Variants in SRP19 observed in about 807,000 individuals in gnomAD.
SRP19 encodes signal recognition particle 19, also known as signal recognition particle 19 kDa protein.
In SRP19, 11 loss-of-function variants were observed where a neutral mutation model predicts 22.4. That is an observed-to-expected ratio of 0.49 (90% CI 0.31 to 0.81). The LOEUF (loss-of-function observed/expected upper bound fraction) is 0.81, where lower values mean the gene tolerates loss of function less well. Ranked by LOEUF, SRP19 falls within the 40% of genes least tolerant of loss-of-function variation. SRP19 has a pLI of 0.05. For missense variants in SRP19, 168 were observed against 175.9 expected, an observed-to-expected ratio of 0.96 and a Z score of 0.25; for synonymous variants, 61 against 57.6, an observed-to-expected ratio of 1.06 and a Z score of -0.27.
chr5:112,861,626 C>T (rs1010455944), intron 1 of SRP19, among the ~76,000 whole-genome samples: 1 of 152,240 alleles, frequency 6.6e-6, no homozygotes, highest in Non-Finnish European at 1.5e-5. Flanking sequence ...AAATTCCGAC[C>T]ATAGGTAGCC....
intron 1 of SRP19, 57 bp downstream of exon 1, chr5:112,861,474 G>A (rs1318920090): frequency 4.5e-6 from 7 of 1,564,722 alleles, no homozygotes; most frequent in Non-Finnish European, 6.1e-6. Context: ...GGTGCTGCAG[G>A]TGCTACACCG....
chr5:112,894,114 GGTT>G (rs1237863763), downstream of SRP19: 4 of 132,988 alleles, frequency 3.0e-5, no homozygotes, highest in African/African-American at 1.4e-4. Context: ...TTGTTTTTTT[GGTT>G]TTTTTTGTTT....
intron 4 of SRP19, chr5:112,878,765 G>C: frequency 1.2e-6 from 2 of 1,614,068 alleles, no homozygotes; most frequent in Non-Finnish European, 1.7e-6. Context: ...GAGAGGGCAG[G>C]AAGTTTCCAT....
chr5:112,865,958 A>G (rs960402828), intron 4 of SRP19, among the ~76,000 whole-genome samples: 2 of 152,114 alleles, frequency 1.3e-5, no homozygotes, highest in East Asian at 3.9e-4. Context: ...AACTCAAGCA[A>G]TCTTCCCATC....
intron 4 of SRP19, among the ~76,000 whole-genome samples, chr5:112,865,633 G>A (rs976746977): frequency 2.0e-5 from 3 of 148,960 alleles, no homozygotes; most frequent in East Asian, 2.0e-4. Context: ...ATGGAGTCTC[G>A]CTCTGGCTGG....
intron 4 of SRP19, chr5:112,891,481 T>C: frequency 1.0e-6 from 1 of 982,872 alleles, no homozygotes. Flanking sequence ...AGAAACAAAA[T>C]GAAAGTAATT....
At chr5:112,865,843 C>G (rs1332151083) in intron 4 of SRP19, among the ~76,000 whole-genome samples, 5 of 152,180 alleles carry the variant, frequency 3.3e-5, no homozygotes, top group African/African-American at 1.2e-4. Context: ...CCACCCACCT[C>G]GGCCTCCCAA....
downstream of SRP19, chr5:112,897,459 C>A (rs981962491): frequency 2.0e-5 from 3 of 151,752 alleles, no homozygotes; most frequent in Non-Finnish European, 4.4e-5. Flanking sequence ...AGATGTAGAA[C>A]AGAATCTGGC....
downstream of SRP19, among the ~76,000 whole-genome samples, chr5:112,874,316 T>C (rs1372895089): frequency 6.6e-6 from 1 of 152,188 alleles, no homozygotes; most frequent in Non-Finnish European, 1.5e-5. Flanking sequence ...CTTGTCCTCA[T>C]TACTAGTTTC....
chr5:112,876,420 T>C (rs919216113), intron 4 of SRP19: 1 of 152,240 alleles, frequency 6.6e-6, no homozygotes, highest in African/African-American at 2.4e-5. Context: ...CATCTATTTA[T>C]TTCCATTCAG....
chr5:112,862,499 C>T lies in SRP19; in HGVS notation c.42-9C>T. The T allele has an allele frequency of 6.2e-7, 1 of 1,612,910 alleles. No individual in the cohort carries two copies. The highest frequency in any genetic ancestry group is 8.5e-7 in the Non-Finnish European group (1 of 1,178,974). On this transcript the variant is annotated splice_polypyrimidine_tract_variant and intron_variant, in intron 1 of 4. Coordinates refer to ENST00000505459, the MANE Select transcript of SRP19 (RefSeq NM_003135.3). ...CTAGTGATACCACTTATGCTATTGT[C>T]TATGGCAGGTTTATTTGTATCTATC... is the stretch of plus-strand genomic sequence containing the variant.
intron 4 of SRP19, among the ~76,000 whole-genome samples, chr5:112,890,123 G>A (rs546919208): frequency 2.0e-5 from 3 of 150,092 alleles, no homozygotes; most frequent in African/African-American, 2.5e-5. Flanking sequence ...CACCGCACCC[G>A]GCCACAAAAA....
intron 4 of SRP19, among the ~76,000 whole-genome samples, chr5:112,865,799 G>T (rs1767583910): frequency 6.6e-6 from 1 of 152,112 alleles, no homozygotes; most frequent in South Asian, 2.1e-4. Context: ...TCGCCATGTT[G>T]GCCAGAATGG....
At chr5:112,864,852 A>G in intron 4 of SRP19, 120 bp downstream of exon 4, 1 of 700,552 alleles carries the variant, frequency 1.4e-6, no homozygotes, top group African/African-American at 1.8e-5. Flanking sequence ...TAATTTAAAG[A>G]CAGGACTACT....
chr5:112,870,153 A>C (rs1263856716), downstream of SRP19, among the ~76,000 whole-genome samples: 2 of 152,174 alleles, frequency 1.3e-5, no homozygotes, highest in Non-Finnish European at 2.9e-5. Context: ...TAGCTTTTTC[A>C]GTCCTGACAG....
At chr5:112,888,358 A>C (rs1768325521) in intron 4 of SRP19, among the ~76,000 whole-genome samples, 1 of 152,230 alleles carries the variant, frequency 6.6e-6, no homozygotes, top group Non-Finnish European at 1.5e-5. Context: ...GGCTCTGAGA[A>C]ATTTATACTA....
chr5:112,870,321 CA>C (rs750748221), downstream of SRP19, among the ~76,000 whole-genome samples: 1 of 151,422 alleles, frequency 6.6e-6, no homozygotes, highest in Non-Finnish European at 1.5e-5. Flanking sequence ...ACTGTCTCTA[CA>C]AAAAAAAGAA....
intron 4 of SRP19, chr5:112,864,972 A>G (rs1330193628): frequency 3.0e-6 from 1 of 334,856 alleles, no homozygotes; most frequent in South Asian, 8.6e-5. Flanking sequence ...TGAACATTTT[A>G]TAAACCTCTG....
chr5:112,884,620 C>T (rs1487115425), intron 4 of SRP19, among the ~76,000 whole-genome samples: 1 of 152,022 alleles, frequency 6.6e-6, no homozygotes, highest in African/African-American at 2.4e-5. Flanking sequence ...CTTCTGGCCT[C>T]AAGTGATCTC....
Sources: gnomAD v4.1 joint callset for allele counts (sites outside exome capture counted in the v4.1 genomes callset) on GRCh38, gnomAD v4.1.1 for gene constraint, MANE v1.5 for transcripts, NCBI Gene and HGNC (gene_info 2026-07-23, HGNC 2026-07-21) for gene names.